Variants in SOS1 observed in about 807,000 individuals in gnomAD.
SOS1 encodes the protein son of sevenless homolog 1.
Under a neutral mutation model 157.6 loss-of-function variants are expected in SOS1, and 25 were observed. The ratio of observed to expected loss-of-function variants is 0.16; its 90% CI spans 0.12 to 0.22. SOS1 has a LOEUF of 0.22. SOS1 is among the 10% of genes least tolerant of loss of function. The pLI is 1.00. For missense variants in SOS1, 1,237 were observed against 1,599.1 expected, an observed-to-expected ratio of 0.77 and a Z score of 3.86; for synonymous variants, 528 against 534.0, an observed-to-expected ratio of 0.99 and a Z score of 0.16.
chr2:39,097,407 G>A (rs1672809990), intron 1 of SOS1, among the ~76,000 whole-genome samples: 1 of 152,182 alleles, frequency 6.6e-6, no homozygotes, highest in South Asian at 2.1e-4. Flanking sequence ...TGTTAAAAAT[G>A]TAAATTCCTG....
Position 38,987,555 on chromosome 2 carries a change from C to T in SOS1, c.3428G>A (p.Gly1143Asp). ...ASVSSISLTK[G>D]TDEVPVPPPV... is the part of the protein sequence containing the mutation. ...AGGAGGGACAGGCACTTCATCAGTG[C>T]CTTTGGTTAAACTTATAGATGATAC... is the stretch of plus-strand genomic sequence containing the variant. The change falls in exon 22 of 23, where the codon GGC becomes GAC. Residue 1143 changes from glycine to aspartate, a missense_variant. Physicochemically the swap from Gly to Asp is moderately conservative, Grantham distance 94. This residue lies in a region of SOS1 where 306 missense variants were observed against 322.6 expected (regional missense o/e 0.95). Transcript: ENST00000402219. 1 of 1,600,886 alleles carries T rather than the reference C, an allele frequency of 6.2e-7. No homozygotes were observed. Among genetic ancestry groups the T allele is most frequent in the Non-Finnish European group, 8.5e-7 (1 of 1,169,838 alleles).
intron 6 of SOS1, among the ~76,000 whole-genome samples, chr2:39,040,919 C>CT (rs1434380028): frequency 2.0e-5 from 3 of 152,188 alleles, no homozygotes; most frequent in South Asian, 4.1e-4. Context: ...AACCAGCAAA[C>CT]TGTCTGCCAA....
intron 1 of SOS1, among the ~76,000 whole-genome samples, chr2:39,079,984 A>T (rs1672144712): frequency 6.6e-6 from 1 of 152,044 alleles, no homozygotes; most frequent in South Asian, 2.1e-4. Flanking sequence ...TGGCACCAGG[A>T]CCAGTTCTAG....
chr2:39,021,486 G>T, intron 10 of SOS1, among the ~76,000 whole-genome samples: 1 of 132,012 alleles, frequency 7.6e-6, no homozygotes, highest in Non-Finnish European at 1.6e-5. Context: ...ACTTGTGACA[G>T]TAAACACTAG....
chr2:38,983,638 C>G lies in SOS1; in HGVS notation c.*2186G>C, dbSNP rs1668465030. The G allele has an allele frequency of 6.6e-6, 1 of 152,042 alleles. No homozygotes were observed. The highest frequency in any genetic ancestry group is 1.5e-5 in the Non-Finnish European group (1 of 68,006). The allele number at this position is 152,042 out of a possible 1,614,324, so 9.4% of individuals were successfully genotyped here. A position where few individuals can be genotyped will look rare whatever the true frequency, so the allele number is the denominator to read the frequency against. The stretch of plus-strand genomic sequence containing the variant: ...GAAGGGGGTCCAATGTGACTTTTAC[C>G]AGGTTCTCATTTGGAATGTGCCTGG... On this transcript the variant is annotated 3_prime_UTR_variant, in exon 23 of 23. Transcript: ENST00000402219.
In SOS1 at chr2:38,995,310, G is replaced by C; in HGVS notation, c.3159C>G (p.Pro1053=). 1 of 1,613,682 alleles carries C rather than the reference G, an allele frequency of 6.2e-7. No individual in the cohort carries two copies. The highest frequency in any genetic ancestry group is 2.2e-5 in the East Asian group (1 of 44,878). ...TCCTTGGCTCCTGCTGCAGAGGTGTGGGATGCCTCATGGTACCTGGTCTTG... is the reference window on the plus strand; with the variant it reads ...TCCTTGGCTCCTGCTGCAGAGGTGTCGGATGCCTCATGGTACCTGGTCTTG... ...SNPRPGTMRH[P]TPLQQEPRKI... The change falls in exon 20 of 23, where the codon CCC becomes CCG. Residue 1053 remains proline (P), a synonymous_variant. Transcript: ENST00000402219.
At chr2:39,105,290 ATT>A (rs917069785) in intron 1 of SOS1, among the ~76,000 whole-genome samples, 5 of 144,302 alleles carry the variant, frequency 3.5e-5, no homozygotes, top group Middle Eastern at 3.4e-3. Context: ...ATCCTGAACT[ATT>A]TTTTTTTTTT....
chr2:39,075,714 T>C (rs150080931), intron 1 of SOS1, among the ~76,000 whole-genome samples: 7 of 150,010 alleles, frequency 4.7e-5, no homozygotes, highest in South Asian at 2.1e-4. Context: ...AATAGAAAAA[T>C]TGCTAAAAGA....
At chr2:39,044,646 C>G (rs1011376400) in intron 6 of SOS1, among the ~76,000 whole-genome samples, 1 of 152,008 alleles carries the variant, frequency 6.6e-6, no homozygotes, top group African/African-American at 2.4e-5. Context: ...TTTTTTCAAC[C>G]AAATGAGGAT....
At chr2:39,057,329 G>A (rs535632197) in intron 3 of SOS1, among the ~76,000 whole-genome samples, 3 of 152,134 alleles carry the variant, frequency 2.0e-5, no homozygotes, top group Admixed American at 6.5e-5. Flanking sequence ...AAACCACAGC[G>A]GGCATATTCC....
intron 1 of SOS1, among the ~76,000 whole-genome samples, chr2:39,068,620 T>C (rs543846155): frequency 1.3e-5 from 2 of 152,330 alleles, no homozygotes; most frequent in Admixed American, 1.3e-4. Flanking sequence ...ACACAAAATT[T>C]GTAACTGTCT....
chr2:39,067,553 CT>C (rs1235532613), intron 2 of SOS1, 74 bp downstream of exon 2: 7 of 1,354,706 alleles, frequency 5.2e-6, no homozygotes, highest in Non-Finnish European at 6.3e-6. Flanking sequence ...AGAGCAAATT[CT>C]TTCCCTGTTC....
In SOS1 at chr2:38,995,179, C is replaced by T. The variant is rs727505379; in HGVS notation, c.3290G>A (p.Ser1097Asn). 11 of 1,613,986 alleles carry T rather than the reference C, an allele frequency of 6.8e-6. No homozygotes were observed. Among genetic ancestry groups the T allele is most frequent in the South Asian group, 1.1e-5 (1 of 91,078 alleles). Reference protein sequence around the residue: ...LTPPPASGASSTTDVCSVFDS... With the variant: ...LTPPPASGASNTTDVCSVFDS... ...AAATACACTGCAAACATCTGTGGTA[C>T]TGGAAGCACCAGAAGCAGGCGGAGG... Residue 1097 changes from serine to asparagine, a missense_variant, in exon 20 of 23, where the codon AGT (serine) becomes AAT (asparagine). Ser to Asn is a conservative substitution (Grantham distance 46). This residue lies in a region of SOS1 where 306 missense variants were observed against 322.6 expected (regional missense o/e 0.95). Coordinates refer to ENST00000402219, the MANE Select transcript of SOS1 (RefSeq NM_005633.4).
intron 17 of SOS1, 120 bp from the exon 18 acceptor site, chr2:38,997,545 G>A (rs1433012319): frequency 4.8e-6 from 3 of 623,374 alleles, no homozygotes; most frequent in East Asian, 2.7e-5. Context: ...AAAGAACCAA[G>A]GCTCAGATTT....
At chr2:38,990,083 T>G (rs147203182) in intron 20 of SOS1, among the ~76,000 whole-genome samples, 152 of 152,156 alleles carry the variant, frequency 1.0e-3, no homozygotes, top group African/African-American at 3.5e-3. Flanking sequence ...TGTCTCATAT[T>G]AACAACAGAT....
chr2:39,085,628 T>C (rs1672342853), intron 1 of SOS1, among the ~76,000 whole-genome samples: 1 of 152,250 alleles, frequency 6.6e-6, no homozygotes, highest in Non-Finnish European at 1.5e-5. Flanking sequence ...ATCACGTTCC[T>C]TGATATACAA....
intron 1 of SOS1, among the ~76,000 whole-genome samples, chr2:39,068,967 C>G (rs996818000): frequency 6.6e-6 from 1 of 152,030 alleles, no homozygotes; most frequent in African/African-American, 2.4e-5. Context: ...TACTCACTGG[C>G]TCAGAGCACA....
At chr2:39,006,277 G>C (rs1465050025) in intron 17 of SOS1, 135 bp downstream of exon 17, 4 of 693,392 alleles carry the variant, frequency 5.8e-6, no homozygotes, top group African/African-American at 1.8e-5. Flanking sequence ...AATTCTAAAG[G>C]GCTTCAGGTG....
intron 8 of SOS1, among the ~76,000 whole-genome samples, chr2:39,028,920 T>C (rs1670065318): frequency 6.6e-6 from 1 of 152,314 alleles, no homozygotes; most frequent in Non-Finnish European, 1.5e-5. Context: ...GATTACAACA[T>C]AGAAAATGCA....
Sources: allele counts gnomAD v4.1 joint callset (sites outside exome capture counted in the v4.1 genomes callset), GRCh38; gene constraint gnomAD v4.1.1; regional missense constraint gnomAD v4.1.1; transcripts MANE v1.5; gene names NCBI Gene and HGNC (gene_info 2026-07-23, HGNC 2026-07-21).